Variants in PTPRM observed in about 807,000 individuals in gnomAD.
PTPRM encodes receptor-type tyrosine-protein phosphatase mu.
A neutral mutation model predicts 186.7 loss-of-function variants in PTPRM; 47 were observed. The observed-to-expected ratio is 0.25, with a 90% CI of 0.20 to 0.32. PTPRM has a LOEUF of 0.32. PTPRM is among the 10% of genes least tolerant of loss of function. The pLI is 1.00. For synonymous variants in PTPRM, 668 were observed against 674.9 expected (o/e 0.99, Z 0.16); for missense variants, 1,494 against 1,865.0 (o/e 0.80, Z 3.66).
rs897716996 is a variant in PTPRM, at chr18:7,888,301, A to G, written c.392A>G (p.Asn131Ser). Residue 131 changes from asparagine (N) to serine (S), a missense_variant, in exon 3 of 33, where the codon AAT becomes AGT. Asn to Ser is a conservative substitution (Grantham distance 46). This residue lies in a region of PTPRM where 296 missense variants were observed against 345.5 expected (regional missense o/e 0.86). Coordinates refer to ENST00000580170, the MANE Select transcript of PTPRM (RefSeq NM_001105244.2). ...NNGPLGNPIW[N>S]ISGDPTRTWN... The stretch of plus-strand genomic sequence containing the variant: ...GGGCCACTGGGGAATCCTATCTGGA[A>G]TATATCTGGAGACCCAACACGTACA... 1.2e-6 allele frequency: 2 copies of G among 1,614,088 alleles called. No individual in the cohort carries two copies. The highest frequency in any genetic ancestry group is 2.7e-5 in the African/African-American group (2 of 74,936).
At chr18:8,023,831 GACACACACACACACAC>G (rs71354587) in intron 7 of PTPRM, among the ~76,000 whole-genome samples, 2 of 110,282 alleles carry the variant, frequency 1.8e-5, no homozygotes, top group East Asian at 4.7e-4. Flanking sequence ...ATTATCAGAA[GACACACACACACACAC>G]ACACACACAC....
At chr18:7,579,414 T>C (rs2036785248) in intron 1 of PTPRM, among the ~76,000 whole-genome samples, 1 of 152,232 alleles carries the variant, frequency 6.6e-6, no homozygotes, top group African/African-American at 2.4e-5. Context: ...ACATCTACTA[T>C]GAGGAGTGTT....
At chr18:7,725,887 G>A (rs763128001) in intron 1 of PTPRM, among the ~76,000 whole-genome samples, 7 of 152,164 alleles carry the variant, frequency 4.6e-5, no homozygotes, top group African/African-American at 7.2e-5. Context: ...GGGTGCAAAC[G>A]GTTGTCACAC....
chr18:8,283,790 T>G (rs1208356643), intron 19 of PTPRM, among the ~76,000 whole-genome samples: 1 of 151,978 alleles, frequency 6.6e-6, no homozygotes, highest in Non-Finnish European at 1.5e-5. Flanking sequence ...AGCTAATTTT[T>G]TTTTTTATTT....
chr18:8,152,020 A>T (rs2093020054), intron 14 of PTPRM, among the ~76,000 whole-genome samples: 1 of 151,992 alleles, frequency 6.6e-6, no homozygotes, highest in Non-Finnish European at 1.5e-5. Flanking sequence ...GATGAACCAT[A>T]TACCTCAGTT....
intron 1 of PTPRM, among the ~76,000 whole-genome samples, chr18:7,591,362 A>G (rs1195955825): frequency 6.6e-6 from 1 of 152,196 alleles, no homozygotes; most frequent in Non-Finnish European, 1.5e-5. Context: ...AGCTTGGAGA[A>G]GCAGCTTGCC....
chr18:8,337,309 A>C (rs936974666), intron 22 of PTPRM, among the ~76,000 whole-genome samples: 1 of 152,144 alleles, frequency 6.6e-6, no homozygotes, highest in African/African-American at 2.4e-5. Flanking sequence ...GAATTACATC[A>C]GTTGAGGTTT....
chr18:8,256,561 G>A (rs1387470178), intron 19 of PTPRM, among the ~76,000 whole-genome samples: 1 of 152,176 alleles, frequency 6.6e-6, no homozygotes, highest in Non-Finnish European at 1.5e-5. Context: ...GGGAAACTTC[G>A]TTATACTGAG....
intron 1 of PTPRM, among the ~76,000 whole-genome samples, chr18:7,712,365 A>G (rs1317108252): frequency 1.3e-5 from 2 of 152,194 alleles, no homozygotes; most frequent in African/African-American, 4.8e-5. Flanking sequence ...GGTCACCAAC[A>G]TGAAAGAACA....
chr18:8,263,354 CT>C (rs2094656818), intron 19 of PTPRM, among the ~76,000 whole-genome samples: 1 of 152,168 alleles, frequency 6.6e-6, no homozygotes, highest in African/African-American at 2.4e-5. Context: ...AGTGATCCAC[CT>C]GCCTAGGGCT....
intron 14 of PTPRM, among the ~76,000 whole-genome samples, chr18:8,174,079 A>G (rs2093446627): frequency 6.7e-6 from 1 of 149,658 alleles, no homozygotes. Flanking sequence ...AAAAAAAAAA[A>G]GGCCAATCTT....
intron 8 of PTPRM, among the ~76,000 whole-genome samples, chr18:8,071,317 C>A (rs1208667624): frequency 1.3e-5 from 2 of 152,180 alleles, no homozygotes. Flanking sequence ...TCTGTTGTTT[C>A]TACTTCCAAA....
intron 7 of PTPRM, among the ~76,000 whole-genome samples, chr18:8,023,471 T>C (rs181163518): frequency 8.1e-4 from 123 of 152,324 alleles, no homozygotes; most frequent in African/African-American, 2.9e-3. Flanking sequence ...ATACTGGATA[T>C]AGTTTTCATT....
At chr18:7,960,462 T>TAC (rs1483179759) in intron 7 of PTPRM, among the ~76,000 whole-genome samples, 12 of 74,714 alleles carry the variant, frequency 1.6e-4, no homozygotes, top group African/African-American at 7.1e-4. Flanking sequence ...TATATATATA[T>TAC]ATATATATAT....
intron 1 of PTPRM, among the ~76,000 whole-genome samples, chr18:7,622,832 C>G (rs1272479866): frequency 6.6e-6 from 1 of 152,134 alleles, no homozygotes; most frequent in Non-Finnish European, 1.5e-5. Context: ...AAATACTTCA[C>G]TAGGCCCAGC....
At chr18:8,185,826 G>A (rs1163579699) in intron 14 of PTPRM, among the ~76,000 whole-genome samples, 1 of 152,146 alleles carries the variant, frequency 6.6e-6, no homozygotes, top group East Asian at 1.9e-4. Flanking sequence ...AGAATCTACA[G>A]AGGAAAAACA....
At chr18:7,708,523 G>A (rs2040144904) in intron 1 of PTPRM, among the ~76,000 whole-genome samples, 1 of 152,076 alleles carries the variant, frequency 6.6e-6, no homozygotes, top group Admixed American at 6.5e-5. Context: ...TATTCCATGA[G>A]CTTTTCACCT....
intron 13 of PTPRM, among the ~76,000 whole-genome samples, chr18:8,127,313 T>A (rs765238286): frequency 4.1e-4 from 62 of 152,022 alleles, no homozygotes; most frequent in Middle Eastern, 3.4e-3. Flanking sequence ...ATCAAAGGAA[T>A]GCTTAGAATC....
intron 19 of PTPRM, among the ~76,000 whole-genome samples, chr18:8,286,152 G>T (rs932524060): frequency 6.6e-6 from 1 of 152,220 alleles, no homozygotes; most frequent in African/African-American, 2.4e-5. Context: ...GTGAGTTGCT[G>T]CTGAGTCCTC....
Sources: gnomAD v4.1 joint callset for allele counts (sites outside exome capture counted in the v4.1 genomes callset) on GRCh38, gnomAD v4.1.1 for gene constraint, gnomAD v4.1.1 regional missense constraint, MANE v1.5 for transcripts, NCBI Gene and HGNC (gene_info 2026-07-23, HGNC 2026-07-21) for gene names.